CSNK1G1: variants seen among roughly 807,000 people sequenced by gnomAD.
CSNK1G1 encodes casein kinase I isoform gamma-1.
A neutral mutation model predicts 59.6 loss-of-function variants in CSNK1G1; 22 were observed. The observed-to-expected ratio is 0.37, with a 90% CI of 0.26 to 0.53. CSNK1G1 has a LOEUF of 0.53. CSNK1G1 is among the 20% of genes least tolerant of loss of function. CSNK1G1 has a pLI of 0.89. For synonymous variants in CSNK1G1, 179 were observed against 177.1 expected, an observed-to-expected ratio of 1.01 and a Z score of -0.08; for missense variants, 384 against 519.5, an observed-to-expected ratio of 0.74 and a Z score of 2.54.
intron 1 of CSNK1G1, among the ~76,000 whole-genome samples, chr15:64,338,257 C>CT (rs942729920): frequency 2.0e-5 from 3 of 152,104 alleles, no homozygotes; most frequent in African/African-American, 7.2e-5. Flanking sequence ...ATCCTCACTA[C>CT]TTTTTTACTT....
At chr15:64,287,928 G>A (rs1894515776) in intron 2 of CSNK1G1, among the ~76,000 whole-genome samples, 1 of 151,796 alleles carries the variant, frequency 6.6e-6, no homozygotes, top group South Asian at 2.1e-4. Context: ...AAAGGACAAA[G>A]AGAACAGGTG....
chr15:64,319,026 C>CT (rs1051901323), intron 1 of CSNK1G1, among the ~76,000 whole-genome samples: 4 of 151,016 alleles, frequency 2.6e-5, no homozygotes, highest in East Asian at 2.0e-4. Context: ...AAATTTTGTA[C>CT]TTTTTTTTAG....
chr15:64,216,799 T>G lies in CSNK1G1; in HGVS notation c.293-86A>C. The G allele has an allele frequency of 8.2e-7, 1 of 1,222,234 alleles. No individual in the cohort carries two copies. Among genetic ancestry groups the G allele is most frequent in the East Asian group, 2.4e-5 (1 of 40,972 alleles). 75.7% of individuals were successfully genotyped at this position (1,222,234 alleles called of 1,614,324 possible). On this transcript the variant is annotated intron_variant, in intron 4 of 11. Transcript: ENST00000303052. This position sits in a 1 kb window ranked among gnomAD's most constrained non-coding sequence, Gnocchi z 4.6. ...AACAGTATTAGCACTGAATAAAATATTTTTAAAAGTACAATTTGTGAGATT... is the reference window on the plus strand; with the variant it reads ...AACAGTATTAGCACTGAATAAAATAGTTTTAAAAGTACAATTTGTGAGATT...
chr15:64,184,060 T>C (rs540603073), intron 10 of CSNK1G1, among the ~76,000 whole-genome samples: 11 of 152,280 alleles, frequency 7.2e-5, no homozygotes, highest in Non-Finnish European at 1.6e-4. Context: ...TCCCAGCATT[T>C]TGGGAGGCCG....
At chr15:64,242,704 G>A (rs1018051876) in intron 4 of CSNK1G1, among the ~76,000 whole-genome samples, 2 of 152,150 alleles carry the variant, frequency 1.3e-5, no homozygotes, top group African/African-American at 4.8e-5. Flanking sequence ...GAAAAGTGAA[G>A]AGGAGAAAAT....
At chr15:64,246,671 A>T (rs1174714364) in intron 4 of CSNK1G1, among the ~76,000 whole-genome samples, 1 of 148,964 alleles carries the variant, frequency 6.7e-6, no homozygotes, top group Admixed American at 6.7e-5. Flanking sequence ...TCATTTTTTA[A>T]TTTGAGGATT....
chr15:64,250,038 A>G (rs916889148), intron 4 of CSNK1G1, among the ~76,000 whole-genome samples: 1 of 152,226 alleles, frequency 6.6e-6, no homozygotes. Context: ...CTTATCATAA[A>G]TGGGCTGTGA....
At chr15:64,259,287 G>T in intron 2 of CSNK1G1, 46 bp from the exon 3 acceptor site, 1 of 1,459,584 alleles carries the variant, frequency 6.9e-7, no homozygotes, top group African/African-American at 1.4e-5. Flanking sequence ...ATTTATTCTG[G>T]GAAAAGCAAA....
chr15:64,271,151 C>T (rs28655976), intron 2 of CSNK1G1, among the ~76,000 whole-genome samples: 137 of 152,020 alleles, frequency 9.0e-4, no homozygotes, highest in Admixed American at 2.0e-3. Context: ...CCACACCTAG[C>T]TAATTTTTGT....
intron 1 of CSNK1G1, among the ~76,000 whole-genome samples, chr15:64,317,262 T>C (rs1007976162): frequency 1.2e-4 from 19 of 152,188 alleles, no homozygotes; most frequent in African/African-American, 4.3e-4. Context: ...CTAATTTTTC[T>C]ATTTTTAGTA....
intron 6 of CSNK1G1, among the ~76,000 whole-genome samples, chr15:64,213,316 T>TG (rs1039370724): frequency 6.6e-6 from 1 of 152,170 alleles, no homozygotes; most frequent in African/African-American, 2.4e-5. Flanking sequence ...CTCTCCCCCT[T>TG]GGGCTAGTTC....
At chr15:64,242,140 C>A (rs999548400) in intron 4 of CSNK1G1, among the ~76,000 whole-genome samples, 1 of 152,094 alleles carries the variant, frequency 6.6e-6, no homozygotes, top group African/African-American at 2.4e-5. Flanking sequence ...ATACCACCAA[C>A]CAAAACTGAA....
chr15:64,205,957 A>C (rs963320485), intron 7 of CSNK1G1, among the ~76,000 whole-genome samples: 1 of 152,214 alleles, frequency 6.6e-6, no homozygotes, highest in Non-Finnish European at 1.5e-5. Flanking sequence ...GGAGTACCCC[A>C]AACTACTGAT....
chr15:64,348,608 G>T (rs1307878847), intron 1 of CSNK1G1, among the ~76,000 whole-genome samples: 1 of 152,096 alleles, frequency 6.6e-6, no homozygotes, highest in Non-Finnish European at 1.5e-5. Flanking sequence ...CCTTTTCCTG[G>T]CATTAGTCAT....
At chr15:64,203,467 G>T (rs2082135508) in intron 9 of CSNK1G1, among the ~76,000 whole-genome samples, 1 of 152,154 alleles carries the variant, frequency 6.6e-6, no homozygotes, top group East Asian at 1.9e-4. Flanking sequence ...GGAGGCCGAG[G>T]TGAGTGGATC....
Position 64,170,731 on chromosome 15 carries a change from T to A in CSNK1G1, c.*1200A>T, listed in dbSNP as rs1205586304. On this transcript the variant is annotated 3_prime_UTR_variant, in exon 12 of 12. Transcript: ENST00000303052. Reference sequence around the variant, plus strand: ...AAGTCACCAGGACGTCACATGGCTATCTAGTTGGAAGTCCCTGGCAGCATG... The same window carrying A: ...AAGTCACCAGGACGTCACATGGCTAACTAGTTGGAAGTCCCTGGCAGCATG... 1 of 152,612 alleles carries A rather than the reference T, an allele frequency of 6.6e-6. No homozygotes were observed. The highest frequency in any genetic ancestry group is 2.4e-5 in the African/African-American group (1 of 41,434). 9.5% of individuals were successfully genotyped at this position (152,612 alleles called of 1,614,324 possible).
rs2081600532 is a variant in CSNK1G1, at chr15:64,166,137, C to T, written c.*5794G>A. On this transcript the variant is annotated 3_prime_UTR_variant, in exon 12 of 12. Coordinates refer to ENST00000303052, the MANE Select transcript of CSNK1G1 (RefSeq NM_022048.5). This position sits in a 1 kb window ranked among gnomAD's most constrained non-coding sequence, Gnocchi z 4.5. ...TTAACAATAATCAGACACATCCACA[C>T]ATTAAAACTGATTTCCACTGCTGAT... 2 of 538,152 alleles carry T rather than the reference C, an allele frequency of 3.7e-6. No individual in the cohort carries two copies. Among genetic ancestry groups the T allele is most frequent in the Non-Finnish European group, 6.6e-6 (2 of 304,028 alleles). The allele number at this position is 538,152 out of a possible 1,614,324, so 33.3% of individuals were successfully genotyped here. A position where few individuals can be genotyped will look rare whatever the true frequency, so the allele number is the denominator to read the frequency against.
chr15:64,203,507 G>C (rs981834324), intron 9 of CSNK1G1, among the ~76,000 whole-genome samples: 2 of 151,878 alleles, frequency 1.3e-5, no homozygotes, highest in African/African-American at 2.4e-5. Flanking sequence ...AGACCAGACT[G>C]AGCAACATGG....
intron 10 of CSNK1G1, among the ~76,000 whole-genome samples, chr15:64,183,485 T>G (rs904893778): frequency 2.0e-5 from 3 of 152,210 alleles, no homozygotes; most frequent in African/African-American, 7.2e-5. Context: ...ACTACTGAAC[T>G]GCAGGCAGTG....
Sources: gnomAD v4.1 joint callset for allele counts (sites outside exome capture counted in the v4.1 genomes callset) on GRCh38, gnomAD v4.1.1 for gene constraint, Gnocchi (gnomAD v3.1) non-coding constraint, MANE v1.5 for transcripts, NCBI Gene and HGNC (gene_info 2026-07-23, HGNC 2026-07-21) for gene names.